Variants in TUSC3 observed in about 807,000 individuals in gnomAD.
TUSC3 encodes dolichyl-diphosphooligosaccharide--protein glycosyltransferase subunit TUSC3.
In TUSC3, 45 loss-of-function variants were observed where a neutral mutation model predicts 44.8. The ratio of observed to expected loss-of-function variants is 1.00; its 90% CI spans 0.79 to 1.29. The LOEUF (loss-of-function observed/expected upper bound fraction) is 1.29. TUSC3 is among the 50% of genes most tolerant of loss of function. The pLI is 0.00. For synonymous variants in TUSC3, 212 were observed against 152.9 expected (o/e 1.39, Z -2.85); for missense variants, 519 against 437.9 (o/e 1.19, Z -1.65).
intron 2 of TUSC3, among the ~76,000 whole-genome samples, chr8:15,498,045 C>G (rs981239171): frequency 6.6e-6 from 1 of 152,072 alleles, no homozygotes; most frequent in African/African-American, 2.4e-5. Flanking sequence ...CCACTGTGCC[C>G]GGCTCTGTTT....
chr8:15,806,518 G>C, the TUSC3 span: 4 of 1,235,658 alleles, frequency 3.2e-6, no homozygotes, highest in Non-Finnish European at 4.8e-6. Flanking sequence ...GGTCATCAGT[G>C]ACTTCAAGCC....
At chr8:15,583,566 A>T (rs867048773) in intron 1 of TUSC3, among the ~76,000 whole-genome samples, 1 of 152,164 alleles carries the variant, frequency 6.6e-6, no homozygotes, top group African/African-American at 2.4e-5. Flanking sequence ...GATCCCGTGG[A>T]TGGTAAATAT....
At chr8:15,480,095 A>G (rs1563262032) in intron 1 of TUSC3, among the ~76,000 whole-genome samples, 1 of 152,170 alleles carries the variant, frequency 6.6e-6, no homozygotes, top group Non-Finnish European at 1.5e-5. Flanking sequence ...GCTAACAAGG[A>G]AAGTGAAGGA....
chr8:15,659,644 T>C lies in TUSC3; in HGVS notation c.564T>C (p.Val188=). The change falls in exon 4 of 11, where the codon GTT becomes GTC. Residue 188 remains valine, a synonymous_variant. Coordinates refer to ENST00000503731, the MANE Select transcript of TUSC3 (RefSeq NM_006765.4). The part of the protein sequence containing the change: ...LAKWIADRTD[V]HIRVFRPPNY... ...AGTGGATTGCTGACAGAACGGATGT[T>C]CATGTATGTTTTTATTCCTCACAGT... 6.2e-7 allele frequency: 1 copy of C among 1,612,628 alleles called. No homozygotes were observed. Among genetic ancestry groups the C allele is most frequent in the Non-Finnish European group, 8.5e-7 (1 of 1,179,484 alleles).
intron 1 of TUSC3, among the ~76,000 whole-genome samples, chr8:15,607,848 A>G (rs929875765): frequency 6.6e-6 from 1 of 152,180 alleles, no homozygotes; most frequent in African/African-American, 2.4e-5. Context: ...TTGTACTTTT[A>G]CATTTCCTCC....
chr8:15,524,738 T>C (rs1188539928), intron 2 of TUSC3, among the ~76,000 whole-genome samples: 5 of 152,224 alleles, frequency 3.3e-5, no homozygotes, highest in Admixed American at 6.5e-5. Context: ...TAAAACTCTT[T>C]TCACTGTCGT....
chr8:15,473,287 C>A (rs1037845126), intron 1 of TUSC3, among the ~76,000 whole-genome samples: 15 of 152,148 alleles, frequency 9.9e-5, no homozygotes, highest in African/African-American at 3.4e-4. Flanking sequence ...ATAAGGGGTA[C>A]AACCTTGTGT....
the TUSC3 span, among the ~76,000 whole-genome samples, chr8:15,830,005 G>A: frequency 3.7e-4 from 56 of 152,232 alleles, no homozygotes; most frequent in Admixed American, 3.5e-3. Flanking sequence ...GTGTGAGATG[G>A]TGTCTCACTG....
At chr8:15,773,754 A>C in the TUSC3 span, among the ~76,000 whole-genome samples, 1 of 152,188 alleles carries the variant, frequency 6.6e-6, no homozygotes, top group African/African-American at 2.4e-5. Flanking sequence ...CATATAGATT[A>C]ATAGAATGGA....
At chr8:15,829,069 T>C in the TUSC3 span, among the ~76,000 whole-genome samples, 1 of 152,228 alleles carries the variant, frequency 6.6e-6, no homozygotes, top group Non-Finnish European at 1.5e-5. Context: ...TTATGTTTTC[T>C]TCTCATACTT....
chr8:15,571,346 A>C (rs1802870339), intron 1 of TUSC3, among the ~76,000 whole-genome samples: 1 of 152,162 alleles, frequency 6.6e-6, no homozygotes, highest in Admixed American at 6.5e-5. Context: ...CCACTATAAT[A>C]AAGCAAATAT....
intron 2 of TUSC3, among the ~76,000 whole-genome samples, chr8:15,498,725 A>C (rs7820988): frequency 0.25 from 38,475 of 152,024 alleles, 5,253 homozygotes; most frequent in Non-Finnish European, 0.31. Flanking sequence ...AATGCATTCC[A>C]GTTTTGTTTG....
chr8:15,723,545 A>G (rs1441375092), intron 6 of TUSC3, among the ~76,000 whole-genome samples: 1 of 152,140 alleles, frequency 6.6e-6, no homozygotes, highest in Non-Finnish European at 1.5e-5. Flanking sequence ...CTTTCAGGCA[A>G]ATCCAGAAAG....
At chr8:15,589,109 G>C (rs778392276) in intron 1 of TUSC3, among the ~76,000 whole-genome samples, 2 of 152,076 alleles carry the variant, frequency 1.3e-5, no homozygotes, top group African/African-American at 4.8e-5. Context: ...AAGTCTGTTT[G>C]TCAGATACAA....
chr8:15,594,392 T>C (rs1803980862), intron 1 of TUSC3, among the ~76,000 whole-genome samples: 1 of 152,182 alleles, frequency 6.6e-6, no homozygotes, highest in African/African-American at 2.4e-5. Context: ...ATTGATTTTT[T>C]TTCCTATCAT....
the TUSC3 span, among the ~76,000 whole-genome samples, chr8:15,843,920 T>G: frequency 1.3e-5 from 2 of 152,078 alleles, no homozygotes; most frequent in African/African-American, 2.4e-5. Context: ...TAAGCTGTAT[T>G]TGTAGCATTT....
intron 2 of TUSC3, among the ~76,000 whole-genome samples, chr8:15,637,210 T>C (rs1806120238): frequency 6.6e-6 from 1 of 151,756 alleles, no homozygotes; most frequent in Admixed American, 6.6e-5. Flanking sequence ...TGTTTAATAT[T>C]TTAAAATCCA....
At chr8:15,577,390 G>C (rs1205665472) in intron 1 of TUSC3, among the ~76,000 whole-genome samples, 2 of 151,774 alleles carry the variant, frequency 1.3e-5, no homozygotes, top group African/African-American at 4.8e-5. Context: ...CCTTGCCCAT[G>C]CCTATGTCCT....
chr8:15,837,934 A>G, the TUSC3 span, among the ~76,000 whole-genome samples: 1 of 152,224 alleles, frequency 6.6e-6, no homozygotes. Context: ...CTTTACCAGG[A>G]GTTTGCATGA....
Sources: gnomAD v4.1 joint callset for allele counts (sites outside exome capture counted in the v4.1 genomes callset) on GRCh38, gnomAD v4.1.1 for gene constraint, MANE v1.5 for transcripts, NCBI Gene and HGNC (gene_info 2026-07-23, HGNC 2026-07-21) for gene names.